The following CDKAL1 variants were observed in gnomAD, a reference collection of about 807,000 sequenced individuals.
CDKAL1 encodes the protein threonylcarbamoyladenosine tRNA methylthiotransferase.
CDKAL1 carries 32 observed loss-of-function variants against 68.2 expected under a neutral mutation model. The observed-to-expected ratio is 0.47, with a 90% CI of 0.35 to 0.63. CDKAL1 has a LOEUF of 0.63. Among genes scored for constraint, CDKAL1 ranks in the 30% least tolerant of loss-of-function variants. CDKAL1 has a pLI of 0.00. For missense variants in CDKAL1, 606 were observed against 696.7 expected, an observed-to-expected ratio of 0.87 and a Z score of 1.47; for synonymous variants, 234 against 244.3, an observed-to-expected ratio of 0.96 and a Z score of 0.39.
At chr6:21,172,282 G>A (rs554424589) in intron 13 of CDKAL1, among the ~76,000 whole-genome samples, 4 of 152,244 alleles carry the variant, frequency 2.6e-5, no homozygotes, top group Non-Finnish European at 4.4e-5. Flanking sequence ...CATGATGTTC[G>A]TACCCCAAGG....
At chr6:20,693,641 C>T (rs970279702) in intron 5 of CDKAL1, among the ~76,000 whole-genome samples, 7 of 152,202 alleles carry the variant, frequency 4.6e-5, no homozygotes, top group Admixed American at 3.3e-4. Context: ...ACAGCAGCAG[C>T]CTTGCTTTCT....
chr6:21,089,963 G>A (rs1212814770), intron 12 of CDKAL1, among the ~76,000 whole-genome samples: 1 of 151,950 alleles, frequency 6.6e-6, no homozygotes, highest in Non-Finnish European at 1.5e-5. Flanking sequence ...ATGGTGAGAA[G>A]AGAATAGCTT....
chr6:20,634,796 G>A (rs948246401), intron 4 of CDKAL1, among the ~76,000 whole-genome samples: 4 of 151,754 alleles, frequency 2.6e-5, no homozygotes, highest in Admixed American at 6.6e-5. Context: ...TGACCAACAT[G>A]GTGAAACCCC....
chr6:20,901,699 A>AAAAAAAAAAAAAAG (rs1554137984), intron 9 of CDKAL1, among the ~76,000 whole-genome samples: 6 of 75,972 alleles, frequency 7.9e-5, no homozygotes, highest in South Asian at 6.2e-4. Flanking sequence ...AAAAAAAAAA[A>AAAAAAAAAAAAAAG]AAAAGAAAAG....
At chr6:20,829,905 C>G (rs952517288) in intron 8 of CDKAL1, among the ~76,000 whole-genome samples, 13 of 152,192 alleles carry the variant, frequency 8.5e-5, no homozygotes, top group African/African-American at 2.9e-4. Flanking sequence ...GACGGAGTCT[C>G]ACTTGCAGTG....
chr6:21,061,621 G>T (rs1210672242), intron 11 of CDKAL1, among the ~76,000 whole-genome samples: 2 of 151,966 alleles, frequency 1.3e-5, no homozygotes, highest in Non-Finnish European at 2.9e-5. Context: ...TCATATTCTA[G>T]TAATTTAGAA....
intron 4 of CDKAL1, among the ~76,000 whole-genome samples, chr6:20,550,546 T>G (rs568603958): frequency 6.6e-6 from 1 of 152,308 alleles, no homozygotes; most frequent in South Asian, 2.1e-4. Context: ...GTCCTGATTT[T>G]TTTCATTAAG....
chr6:20,626,643 C>A (rs895047984), intron 4 of CDKAL1, among the ~76,000 whole-genome samples: 2 of 152,048 alleles, frequency 1.3e-5, no homozygotes, highest in Non-Finnish European at 2.9e-5. Flanking sequence ...AATGAGGATT[C>A]ATTTTTACAT....
chr6:20,830,044 C>T (rs561835868), intron 8 of CDKAL1, among the ~76,000 whole-genome samples: 31 of 152,162 alleles, frequency 2.0e-4, no homozygotes, highest in Middle Eastern at 3.4e-3. Flanking sequence ...TTAGTAGAGA[C>T]GGGGTTTCAC....
chr6:20,829,399 T>C (rs1052368345), intron 8 of CDKAL1, among the ~76,000 whole-genome samples: 3 of 152,240 alleles, frequency 2.0e-5, no homozygotes, highest in Non-Finnish European at 1.5e-5. Flanking sequence ...ACTACTGTTC[T>C]AGTATTTAGT....
intron 13 of CDKAL1, among the ~76,000 whole-genome samples, chr6:21,155,018 G>A (rs1489628287): frequency 1.4e-5 from 2 of 144,142 alleles, no homozygotes; most frequent in Non-Finnish European, 3.0e-5. Context: ...AAAAATACAA[G>A]AGTGATGACA....
chr6:20,980,293 A>T (rs946570932), intron 10 of CDKAL1, among the ~76,000 whole-genome samples: 6 of 152,106 alleles, frequency 3.9e-5, no homozygotes, highest in African/African-American at 1.4e-4. Flanking sequence ...GCTGGAGTGC[A>T]GTGGCGCGAT....
chr6:20,947,026 A>G (rs12203876), intron 9 of CDKAL1, among the ~76,000 whole-genome samples: 14,960 of 152,176 alleles, frequency 0.098, 793 homozygotes, highest in African/African-American at 0.14. Flanking sequence ...CAGAGACCTT[A>G]TCTCTAAGGT....
chr6:20,647,679 G>A (rs189218557), intron 4 of CDKAL1, among the ~76,000 whole-genome samples: 48 of 152,230 alleles, frequency 3.2e-4, no homozygotes, highest in African/African-American at 1.1e-3. Flanking sequence ...AGGTGGCATT[G>A]GGAATAATTT....
intron 13 of CDKAL1, among the ~76,000 whole-genome samples, chr6:21,167,699 A>AT (rs1228330995): frequency 6.6e-6 from 1 of 152,184 alleles, no homozygotes; most frequent in African/African-American, 2.4e-5. Flanking sequence ...TCTTAACTGT[A>AT]TTATTAATGG....
At chr6:21,203,155 T>C (rs975062370) in intron 15 of CDKAL1, among the ~76,000 whole-genome samples, 6 of 148,242 alleles carry the variant, frequency 4.0e-5, no homozygotes, top group African/African-American at 1.5e-4. Flanking sequence ...GCGCAAGCAA[T>C]CGTCCCACAT....
chr6:21,043,341 GTGTGTT>G (rs1770039055), intron 11 of CDKAL1, among the ~76,000 whole-genome samples: 1 of 130,720 alleles, frequency 7.6e-6, no homozygotes, highest in Non-Finnish European at 1.7e-5. Context: ...GTATGTGTGT[GTGTGTT>G]TGTGTGTGTG....
chr6:20,833,406 A>G (rs1777800168), intron 8 of CDKAL1, among the ~76,000 whole-genome samples: 1 of 152,094 alleles, frequency 6.6e-6, no homozygotes, highest in Non-Finnish European at 1.5e-5. Flanking sequence ...TAAACAAACC[A>G]TCCTCGCCAC....
intron 4 of CDKAL1, among the ~76,000 whole-genome samples, chr6:20,631,735 C>T (rs1437064140): frequency 6.6e-6 from 1 of 152,140 alleles, no homozygotes; most frequent in Non-Finnish European, 1.5e-5. Context: ...TGAGTCAGCC[C>T]TTCCGGATGA....
Sources: gnomAD v4.1 joint callset for allele counts (sites outside exome capture counted in the v4.1 genomes callset) on GRCh38, gnomAD v4.1.1 for gene constraint, MANE v1.5 for transcripts, NCBI Gene and HGNC (gene_info 2026-07-23, HGNC 2026-07-21) for gene names.